The following B4GALNT2 variants were observed in gnomAD, a reference collection of about 807,000 sequenced individuals.
The protein encoded by B4GALNT2 is N-acetylneuraminylgalactosylglucosyl-glucoside beta-1,4-N- acetylgalactosaminyltransferase 2.
Under a neutral mutation model 51.1 loss-of-function variants are expected in B4GALNT2, and 42 were observed. The observed-to-expected ratio is 0.82, with a 90% CI of 0.64 to 1.06. B4GALNT2 has a LOEUF of 1.06. Among genes scored for constraint, B4GALNT2 ranks in the 50% least tolerant of loss-of-function variants. B4GALNT2 has a pLI of 0.00. For missense variants in B4GALNT2, 602 were observed against 633.6 expected, an observed-to-expected ratio of 0.95 and a Z score of 0.54; for synonymous variants, 253 against 251.7, an observed-to-expected ratio of 1.01 and a Z score of -0.05.
chr17:49,129,730 C>G (rs12149980), upstream of B4GALNT2, among the ~76,000 whole-genome samples: 79,938 of 151,486 alleles, frequency 0.53, 21,377 homozygotes, highest in Middle Eastern at 0.62. Context: ...AAGTTTATTG[C>G]AGGGTTGGAA....
chr17:49,164,072 A>G lies in B4GALNT2; in HGVS notation c.767-16A>G. 1.9e-6 allele frequency: 3 copies of G among 1,611,698 alleles called. No individual in the cohort carries two copies. Among genetic ancestry groups the G allele is most frequent in the Non-Finnish European group, 2.5e-6 (3 of 1,178,088 alleles). On this transcript the variant is annotated splice_polypyrimidine_tract_variant and intron_variant, in intron 7 of 10. Transcript: ENST00000393354. ...CCTACAGGACAGAGCTCTGACACCC[A>G]CTGTTTTCTGCCCAGAGAGGAAGCT...
chr17:49,124,776 T>C, the B4GALNT2 span, among the ~76,000 whole-genome samples: 1 of 152,208 alleles, frequency 6.6e-6, no homozygotes, highest in Admixed American at 6.5e-5. Context: ...TAAAAATCTT[T>C]AAAAATAGTC....
chr17:49,137,482 A>G (rs1250505500), intron 1 of B4GALNT2, among the ~76,000 whole-genome samples: 1 of 152,138 alleles, frequency 6.6e-6, no homozygotes, highest in Non-Finnish European at 1.5e-5. Context: ...GAAGGTCCCC[A>G]GATGTGGCCC....
rs1395508316 is a variant in B4GALNT2 at position 49,152,075 on chromosome 17, T to TA, written c.354-717dup. On this transcript the variant is annotated intron_variant, in intron 3 of 10. Coordinates refer to ENST00000393354, the MANE Select transcript of B4GALNT2 (RefSeq NM_001159387.2). ...CTTCTATGCTGGTCATGGTTTTTTTTAAAAAAAATATGCTTTGTTAGCCAG... is the reference window on the plus strand; with the variant it reads ...CTTCTATGCTGGTCATGGTTTTTTTTAAAAAAAAATATGCTTTGTTAGCCAG... Among the ~76,000 whole-genome samples the TA allele has an allele frequency of 4.6e-5, 7 of 151,978 alleles. No homozygotes were observed. In the South Asian group the frequency reaches 6.2e-4, roughly 14 times the overall value.
intron 3 of B4GALNT2, among the ~76,000 whole-genome samples, chr17:49,150,671 A>G (rs1405157931): frequency 6.6e-6 from 1 of 151,328 alleles, no homozygotes; most frequent in African/African-American, 2.4e-5. Flanking sequence ...CTCAGGGTTA[A>G]ATGGATTAAG....
intron 3 of B4GALNT2, among the ~76,000 whole-genome samples, chr17:49,146,612 A>G (rs2042697403): frequency 6.6e-6 from 1 of 152,120 alleles, no homozygotes; most frequent in African/African-American, 2.4e-5. Flanking sequence ...TGCCTGGCCC[A>G]ACACTGTCTT....
chr17:49,122,264 G>C, the B4GALNT2 span, among the ~76,000 whole-genome samples: 1 of 152,178 alleles, frequency 6.6e-6, no homozygotes, highest in South Asian at 2.1e-4. Flanking sequence ...CTTAAAAATG[G>C]TGGTGCTTGT....
At chr17:49,162,472 G>A (rs545155037) in intron 7 of B4GALNT2, among the ~76,000 whole-genome samples, 39 of 152,206 alleles carry the variant, frequency 2.6e-4, no homozygotes, top group South Asian at 4.1e-4. Flanking sequence ...GGCACCTCTC[G>A]GGAGGCAATT....
chr17:49,135,474 G>A (rs542986109), intron 1 of B4GALNT2, among the ~76,000 whole-genome samples: 1 of 151,520 alleles, frequency 6.6e-6, no homozygotes, highest in Non-Finnish European at 1.5e-5. Context: ...TAGCTAGGAT[G>A]GTCTTGATCT....
At chr17:49,160,697 A>T (rs2042856419) in intron 7 of B4GALNT2, 56 bp downstream of exon 7, 1 of 1,472,326 alleles carries the variant, frequency 6.8e-7, no homozygotes, top group Admixed American at 1.7e-5. Flanking sequence ...CTATTGGTGA[A>T]ATTCAGAAGG....
Position 49,169,695 on chromosome 17 carries a change from C to A in B4GALNT2, c.1488C>A (p.His496Gln). ...GGGTCCAGTTCAAGCTGGCCCTCCA[C>A]TACTTCAAGAACCATCTCCAATGTG... ...LTRVQFKLALHYFKNHLQCAA is the reference protein window; with the variant it reads ...LTRVQFKLALQYFKNHLQCAA Residue 496 changes from histidine (H) to glutamine (Q), a missense_variant, in exon 11 of 11, where the codon CAC becomes CAA. Physicochemically the swap from His to Gln is conservative, Grantham distance 24. Coordinates refer to ENST00000393354, the MANE Select transcript of B4GALNT2 (RefSeq NM_001159387.2). The A allele has an allele frequency of 6.3e-7, 1 of 1,598,762 alleles. No homozygotes were observed. The highest frequency in any genetic ancestry group is 1.7e-5 in the Admixed American group (1 of 59,140).
In B4GALNT2 at chr17:49,159,170, A is replaced by G. The variant is rs748155124; in HGVS notation, c.632A>G (p.His211Arg). 3.7e-5 allele frequency: 59 copies of G among 1,614,126 alleles called. 1 individual carries two copies. The Middle Eastern group carries it at 6.6e-4, about 18-fold the overall frequency. The change falls in exon 6 of 11, where the codon CAC becomes CGC. Residue 211 changes from histidine to arginine, a missense_variant. Coordinates refer to ENST00000393354, the MANE Select transcript of B4GALNT2 (RefSeq NM_001159387.2). ...AAGCTGTTGAAGTTCATTCTTCAGC[A>G]CGTGACATACACCAGCACGGGGTAC... ...DRKLLKFILQ[H>R]VTYTSTGYQH... is the part of the protein sequence containing the mutation.
chr17:49,134,553 C>T (rs1176382037), intron 1 of B4GALNT2, among the ~76,000 whole-genome samples: 7 of 151,914 alleles, frequency 4.6e-5, no homozygotes, highest in Admixed American at 4.6e-4. Flanking sequence ...TACAGGCGTG[C>T]GCACGCGCGC....
chr17:49,125,282 C>A, the B4GALNT2 span, among the ~76,000 whole-genome samples: 5 of 152,150 alleles, frequency 3.3e-5, no homozygotes, highest in Non-Finnish European at 1.5e-5. Context: ...GCCTCAGCCT[C>A]CCGAGTAGCT....
chr17:49,147,917 A>T (rs2042711691), intron 3 of B4GALNT2, among the ~76,000 whole-genome samples: 1 of 151,428 alleles, frequency 6.6e-6, no homozygotes, highest in Admixed American at 6.6e-5. Flanking sequence ...ATTTTAGTGT[A>T]CTTGGTACCA....
intron 7 of B4GALNT2, among the ~76,000 whole-genome samples, chr17:49,162,811 G>C (rs150985377): frequency 8.9e-4 from 134 of 149,986 alleles, no homozygotes; most frequent in African/African-American, 3.0e-3. Flanking sequence ...TACTTGGGAG[G>C]CTGAGGCAGG....
chr17:49,120,985 T>C, the B4GALNT2 span, among the ~76,000 whole-genome samples: 10 of 151,982 alleles, frequency 6.6e-5, no homozygotes, highest in Admixed American at 5.9e-4. Context: ...GCTTTTTCCT[T>C]GAGATTATGA....
rs1352035939 is a variant in B4GALNT2 at position 49,166,150 on chromosome 17, G to A, written c.991G>A (p.Val331Ile). 1 of 1,613,940 alleles carries A rather than the reference G, an allele frequency of 6.2e-7. No individual in the cohort carries two copies. The change falls in exon 9 of 11, where the codon GTC becomes ATC. Residue 331 changes from valine to isoleucine, a missense_variant. Val to Ile is a conservative substitution (Grantham distance 29, BLOSUM62 3). Transcript: ENST00000393354. ...TGGTAGGAACCTGGCCATATCTCAG[G>A]TCACCACCAAATACGTTCTCTGGGT... ...FAGRNLAISQ[V>I]TTKYVLWVDD...
Sources: gnomAD v4.1 joint callset for allele counts (sites outside exome capture counted in the v4.1 genomes callset) on GRCh38, gnomAD v4.1.1 for gene constraint, MANE v1.5 for transcripts, NCBI Gene and HGNC (gene_info 2026-07-23, HGNC 2026-07-21) for gene names.